DUSP29: variants seen among roughly 807,000 people sequenced by gnomAD.
DUSP29 encodes the protein dual specificity phosphatase 29.
A neutral mutation model predicts 13.5 loss-of-function variants in DUSP29; 12 were observed. The ratio of observed to expected loss-of-function variants is 0.89; its 90% CI spans 0.57 to 1.44. The LOEUF is 1.44. Among genes scored for constraint, DUSP29 ranks in the 40% most tolerant of loss-of-function variants. The pLI is 0.00. For synonymous variants in DUSP29, 134 were observed against 128.7 expected, an observed-to-expected ratio of 1.04 and a Z score of -0.28; for missense variants, 308 against 301.1, an observed-to-expected ratio of 1.02 and a Z score of -0.17.
chr10:75,054,004 CTAT>C (rs982260584), intron 2 of DUSP29, among the ~76,000 whole-genome samples: 11 of 152,030 alleles, frequency 7.2e-5, no homozygotes, highest in African/African-American at 2.4e-4. Flanking sequence ...TACAACTTAA[CTAT>C]TATTATTATA....
intron 2 of DUSP29, among the ~76,000 whole-genome samples, chr10:75,052,353 C>T (rs1333169355): frequency 7.0e-6 from 1 of 142,372 alleles, no homozygotes; most frequent in Non-Finnish European, 1.5e-5. Flanking sequence ...TGTCACCAGG[C>T]TGGAGTGCAG....
At chr10:75,072,763 C>A (rs921328) in intron 1 of DUSP29, among the ~76,000 whole-genome samples, 1 of 151,866 alleles carries the variant, frequency 6.6e-6, no homozygotes, top group Non-Finnish European at 1.5e-5. Flanking sequence ...CTTTCCCGAA[C>A]GATCAGAGCC....
At chr10:75,058,573 G>T in intron 1 of DUSP29, 25 bp from the exon 2 acceptor site, 1 of 1,591,900 alleles carries the variant, frequency 6.3e-7, no homozygotes, top group South Asian at 1.1e-5. Flanking sequence ...GAAGCAGGAT[G>T]GGGGTTAGCA....
At chr10:75,055,028 G>T (rs1272420995) in intron 2 of DUSP29, among the ~76,000 whole-genome samples, 1 of 152,090 alleles carries the variant, frequency 6.6e-6, no homozygotes, top group Non-Finnish European at 1.5e-5. Flanking sequence ...TTTTGGTAGA[G>T]ATGGTGTCTT....
Position 75,058,568 on chromosome 10 carries a change from A to G in DUSP29, c.-34-20T>C. 2 of 1,597,958 alleles carry G rather than the reference A, an allele frequency of 1.3e-6. No homozygotes were observed. The highest frequency in any genetic ancestry group is 2.2e-5 in the South Asian group (2 of 90,434). On this transcript the variant is annotated intron_variant, in intron 1 of 3. Coordinates refer to ENST00000338487, the MANE Select transcript of DUSP29 (RefSeq NM_001003892.3). ...CTGCAGCTGGTTATGAGAGAGAAGC[A>G]GGATGGGGGTTAGCAGGGGACACTG... is the stretch of plus-strand genomic sequence containing the variant.
At chr10:75,051,446 C>G (rs935209645) in intron 2 of DUSP29, among the ~76,000 whole-genome samples, 6 of 152,232 alleles carry the variant, frequency 3.9e-5, no homozygotes, top group Non-Finnish European at 7.3e-5. Flanking sequence ...AGTGTTCAGT[C>G]CAGACACTGT....
chr10:75,039,774 GCCC>G (rs1396181858), intron 3 of DUSP29, among the ~76,000 whole-genome samples: 1 of 152,208 alleles, frequency 6.6e-6, no homozygotes, highest in Non-Finnish European at 1.5e-5. Flanking sequence ...TTCTGGTAGA[GCCC>G]TTACTTCTTC....
chr10:75,045,658 G>A (rs1255744819), intron 2 of DUSP29, among the ~76,000 whole-genome samples: 2 of 152,212 alleles, frequency 1.3e-5, no homozygotes, highest in African/African-American at 4.8e-5. Flanking sequence ...CAGAAAGGAA[G>A]CCAGTGTGGC....
intron 1 of DUSP29, among the ~76,000 whole-genome samples, chr10:75,068,977 T>C (rs1160649655): frequency 3.3e-5 from 5 of 152,122 alleles, no homozygotes; most frequent in African/African-American, 1.2e-4. Flanking sequence ...TTTTTTTTTT[T>C]CTTTTGGATT....
chr10:75,064,508 G>C (rs957463583), intron 1 of DUSP29, among the ~76,000 whole-genome samples: 32 of 152,088 alleles, frequency 2.1e-4, no homozygotes, highest in Middle Eastern at 3.4e-3. Flanking sequence ...CTCCGTCTCA[G>C]AAACAAAAAA....
intron 3 of DUSP29, among the ~76,000 whole-genome samples, chr10:75,040,922 C>T (rs1846567532): frequency 6.6e-6 from 1 of 152,178 alleles, no homozygotes; most frequent in African/African-American, 2.4e-5. Flanking sequence ...CCCACGAGTA[C>T]AGCTCCACAA....
At chr10:75,060,875 C>T (rs1349600405) in intron 1 of DUSP29, among the ~76,000 whole-genome samples, 11 of 152,108 alleles carry the variant, frequency 7.2e-5, no homozygotes, top group Non-Finnish European at 1.6e-4. Flanking sequence ...TACCACAGGG[C>T]CTTATCTTTT....
In DUSP29 at chr10:75,037,717, G is replaced by A; in HGVS notation, c.*119C>T. 1.4e-6 allele frequency: 2 copies of A among 1,477,828 alleles called. No homozygotes were observed. Among genetic ancestry groups the A allele is most frequent in the Non-Finnish European group, 1.8e-6 (2 of 1,111,098 alleles). The allele number at this position is 1,477,828 out of a possible 1,614,324, so 91.5% of individuals were successfully genotyped here. On this transcript the variant is annotated 3_prime_UTR_variant, in exon 4 of 4. Transcript: ENST00000338487. ...CAGCACACATGGGGAAGTTGAACAA[G>A]ATGGTTTGGAAGAGTCGAGCTTCGG...
chr10:75,072,967 T>C (rs923959314), intron 1 of DUSP29, among the ~76,000 whole-genome samples: 3 of 151,876 alleles, frequency 2.0e-5, no homozygotes, highest in Admixed American at 2.0e-4. Context: ...CTTGGTCCAG[T>C]GGCTCTGATC....
chr10:75,040,458 A>C (rs4746253), intron 3 of DUSP29, among the ~76,000 whole-genome samples: 49,070 of 152,170 alleles, frequency 0.32, 13,956 homozygotes, highest in African/African-American at 0.76. Flanking sequence ...GAGGATGCCG[A>C]ATCGGGGGCA....
chr10:75,043,708 C>A (rs938396190), intron 3 of DUSP29, 89 bp downstream of exon 3: 3 of 1,079,918 alleles, frequency 2.8e-6, no homozygotes, highest in Admixed American at 2.9e-5. Context: ...CTTAGTGGGG[C>A]GGGGAAGGGG....
At chr10:75,042,989 G>C (rs1205236980) in intron 3 of DUSP29, among the ~76,000 whole-genome samples, 1 of 152,240 alleles carries the variant, frequency 6.6e-6, no homozygotes, top group African/African-American at 2.4e-5. Flanking sequence ...TCCCTAAGCT[G>C]TGCCCTTCTC....
intron 1 of DUSP29, among the ~76,000 whole-genome samples, chr10:75,071,455 T>C (rs1307538051): frequency 1.3e-5 from 2 of 152,122 alleles, no homozygotes; most frequent in Non-Finnish European, 2.9e-5. Context: ...GGGCCTCCCC[T>C]AAGCCCCTCA....
In DUSP29 at chr10:75,043,838, G is replaced by A. The variant is rs572563034; in HGVS notation, c.380C>T (p.Pro127Leu). 7 of 1,613,730 alleles carry A rather than the reference G, an allele frequency of 4.3e-6. No individual in the cohort carries two copies. In the East Asian group the frequency reaches 6.7e-5, roughly 15 times the overall value. The change falls in exon 3 of 4, where the codon CCG becomes CTG. Residue 127 changes from proline (P) to leucine (L), a missense_variant. Pro to Leu is a moderately conservative substitution (Grantham distance 98). Transcript: ENST00000338487. The part of the protein sequence containing the change: ...PTFDLSVFFY[P>L]AAAFIDRALS... The stretch of plus-strand genomic sequence containing the variant: ...CGCTCTGTCGATGAAGGCTGCCGCC[G>A]GGTAGAAGAAGACACTGAGGTCGAA...
Sources: gnomAD v4.1 joint callset for allele counts (sites outside exome capture counted in the v4.1 genomes callset) on GRCh38, gnomAD v4.1.1 for gene constraint, MANE v1.5 for transcripts, NCBI Gene and HGNC (gene_info 2026-07-23, HGNC 2026-07-21) for gene names.